The following PRKAR2B variants were observed in gnomAD, a reference collection of about 807,000 sequenced individuals.
PRKAR2B encodes the protein protein kinase cAMP-dependent type II regulatory subunit beta, also known as cAMP-dependent protein kinase type II-beta regulatory subunit.
In PRKAR2B, 14 loss-of-function variants were observed where a neutral mutation model predicts 49.9. The observed-to-expected ratio is 0.28, with a 90% confidence interval of 0.19 to 0.44. PRKAR2B has a LOEUF of 0.44. Among genes scored for constraint, PRKAR2B ranks in the 20% least tolerant of loss-of-function variants. PRKAR2B has a pLI of 1.00. For synonymous variants in PRKAR2B, 196 were observed against 197.7 expected, an observed-to-expected ratio of 0.99 and a Z score of 0.07; for missense variants, 393 against 537.9, an observed-to-expected ratio of 0.73 and a Z score of 2.67.
At chr7:107,110,082 G>A (rs1156302052) in intron 2 of PRKAR2B, among the ~76,000 whole-genome samples, 2 of 152,210 alleles carry the variant, frequency 1.3e-5, no homozygotes, top group Non-Finnish European at 1.5e-5. Flanking sequence ...GCATGGTGCA[G>A]AGAGATAATC....
intron 8 of PRKAR2B, among the ~76,000 whole-genome samples, chr7:107,156,718 A>T (rs933110720): frequency 1.3e-5 from 2 of 151,356 alleles, no homozygotes; most frequent in African/African-American, 4.9e-5. Context: ...AGGCAGGAGA[A>T]TGGTGTGAAC....
intron 2 of PRKAR2B, among the ~76,000 whole-genome samples, chr7:107,101,132 CTTATTTTTTTT>C (rs1794955010): frequency 2.4e-5 from 3 of 122,826 alleles, no homozygotes; most frequent in Non-Finnish European, 5.1e-5. Flanking sequence ...CAGGTTGTTG[CTTATTTTTTTT>C]TTTTTTTTTT....
intron 6 of PRKAR2B, among the ~76,000 whole-genome samples, chr7:107,147,050 G>C (rs1795906592): frequency 6.7e-6 from 1 of 149,470 alleles, no homozygotes; most frequent in African/African-American, 2.4e-5. Context: ...CTGTGCTCAT[G>C]TGCCCCACAT....
At chr7:107,065,320 GTA>G (rs1308836763) in intron 1 of PRKAR2B, among the ~76,000 whole-genome samples, 555 of 46,202 alleles carry the variant, frequency 0.012, 5 homozygotes, top group African/African-American at 0.063. Context: ...CGGGGTGTGT[GTA>G]TGTGTGTGTG....
chr7:107,103,695 CTT>C (rs1795017619), intron 2 of PRKAR2B, among the ~76,000 whole-genome samples: 1 of 152,204 alleles, frequency 6.6e-6, no homozygotes, highest in Non-Finnish European at 1.5e-5. Flanking sequence ...GACTTACTGG[CTT>C]TTTCTATCGG....
intron 5 of PRKAR2B, among the ~76,000 whole-genome samples, chr7:107,142,575 T>C (rs75660833): frequency 0.037 from 5,655 of 152,180 alleles, 336 homozygotes; most frequent in African/African-American, 0.13. Context: ...AGTCACCCAT[T>C]TGGTAGATGA....
intron 4 of PRKAR2B, among the ~76,000 whole-genome samples, chr7:107,137,286 A>G (rs1795716131): frequency 6.6e-6 from 1 of 152,212 alleles, no homozygotes; most frequent in Non-Finnish European, 1.5e-5. Context: ...TCTGTCACCT[A>G]AACGCCTTGT....
At chr7:107,050,526 T>G (rs1793781219) in intron 1 of PRKAR2B, among the ~76,000 whole-genome samples, 1 of 152,112 alleles carries the variant, frequency 6.6e-6, no homozygotes, top group African/African-American at 2.4e-5. Flanking sequence ...CTTTTTCAGT[T>G]GTGCAAATAC....
In PRKAR2B at chr7:107,121,817, C is replaced by T. The variant is rs1175996581; in HGVS notation, c.344-135C>T. 4 of 430,418 alleles carry T rather than the reference C, an allele frequency of 9.3e-6. No homozygotes were observed. The East Asian group carries it at 1.4e-4, about 16-fold the overall frequency. 26.7% of individuals were successfully genotyped at this position (430,418 alleles called of 1,614,324 possible). On this transcript the variant is annotated intron_variant, in intron 2 of 10. Coordinates refer to ENST00000265717, the MANE Select transcript of PRKAR2B (RefSeq NM_002736.3). The stretch of plus-strand genomic sequence containing the variant: ...GAAACCAATTTTGGGGGGTAGACTG[C>T]TTCTCCTGGTTGAGGTGAATTAATG...
chr7:107,093,011 A>G (rs973407445), intron 2 of PRKAR2B, among the ~76,000 whole-genome samples: 1 of 152,206 alleles, frequency 6.6e-6, no homozygotes, highest in African/African-American at 2.4e-5. Context: ...ACTTCGTGTA[A>G]TGTTTTCAAG....
intron 2 of PRKAR2B, among the ~76,000 whole-genome samples, chr7:107,116,527 T>C (rs1795276181): frequency 6.6e-6 from 1 of 152,176 alleles, no homozygotes; most frequent in Non-Finnish European, 1.5e-5. Context: ...ATAAAATGTA[T>C]AACAGAAGAA....
Position 107,083,477 on chromosome 7 carries a change from A to T in PRKAR2B, c.343+13161A>T, listed in dbSNP as rs570653472. Among the ~76,000 whole-genome samples, 149 of 152,236 alleles carry T rather than the reference A, an allele frequency of 9.8e-4. 4 individuals carry two copies. In the South Asian group the frequency reaches 0.022, roughly 22 times the overall value. On this transcript the variant is annotated intron_variant, in intron 2 of 10. Transcript: ENST00000265717. ...TGCTTTCCCTGAGACGACCTATGAG[A>T]ATCACTAGTGCAATATTTGAAGGGA...
intron 7 of PRKAR2B, among the ~76,000 whole-genome samples, chr7:107,152,937 T>C (rs1038610678): frequency 6.6e-6 from 1 of 152,236 alleles, no homozygotes; most frequent in Admixed American, 6.5e-5. Flanking sequence ...ACCATAGTTT[T>C]ATTGTTGCCA....
At chr7:107,079,959 A>G (rs949937192) in intron 2 of PRKAR2B, among the ~76,000 whole-genome samples, 4 of 152,282 alleles carry the variant, frequency 2.6e-5, no homozygotes, top group Non-Finnish European at 5.9e-5. Context: ...ACCAGTGTGA[A>G]TATAGTTACA....
At chr7:107,079,720 C>G (rs1361730489) in intron 2 of PRKAR2B, among the ~76,000 whole-genome samples, 1 of 152,156 alleles carries the variant, frequency 6.6e-6, no homozygotes, top group South Asian at 2.1e-4. Context: ...GATACCGTTA[C>G]TGTTACACAT....
intron 1 of PRKAR2B, among the ~76,000 whole-genome samples, chr7:107,050,743 A>AT (rs955686886): frequency 6.6e-6 from 1 of 152,176 alleles, no homozygotes; most frequent in African/African-American, 2.4e-5. Context: ...AAGTGCTGAG[A>AT]TCTGGGATGG....
rs575492614 is a variant in PRKAR2B at position 107,062,967 on chromosome 7, T to C, written c.308-7314T>C. Among the ~76,000 whole-genome samples, 9 of 152,292 alleles carry C rather than the reference T, an allele frequency of 5.9e-5. No individual in the cohort carries two copies. In the South Asian group the frequency reaches 1.9e-3, roughly 32 times the overall value. The stretch of plus-strand genomic sequence containing the variant: ...TTTTAGCCAGTACTATATATTTTAA[T>C]TTATGGGTTTCAGAAACTCAATACT... On this transcript the variant is annotated intron_variant, in intron 1 of 10. Coordinates refer to ENST00000265717, the MANE Select transcript of PRKAR2B (RefSeq NM_002736.3).
At chr7:107,049,300 C>T (rs937307606) in intron 1 of PRKAR2B, among the ~76,000 whole-genome samples, 37 of 151,952 alleles carry the variant, frequency 2.4e-4, no homozygotes, top group East Asian at 3.9e-4. Context: ...AAATAACTAC[C>T]GTGATAGAAA....
chr7:107,127,950 T>A (rs1795528575), intron 3 of PRKAR2B, among the ~76,000 whole-genome samples: 1 of 152,126 alleles, frequency 6.6e-6, no homozygotes, highest in Non-Finnish European at 1.5e-5. Flanking sequence ...TAGGGGAAAA[T>A]ATGCTTTTGA....
Sources: allele counts gnomAD v4.1 joint callset (sites outside exome capture counted in the v4.1 genomes callset), GRCh38; gene constraint gnomAD v4.1.1; transcripts MANE v1.5; gene names NCBI Gene and HGNC (gene_info 2026-07-23, HGNC 2026-07-21).